The following PTPRD variants were observed in gnomAD, a reference collection of about 807,000 sequenced individuals.
PTPRD encodes protein tyrosine phosphatase receptor type D, also known as receptor-type tyrosine-protein phosphatase delta.
Under a neutral mutation model 214.5 loss-of-function variants are expected in PTPRD, and 34 were observed. The observed-to-expected ratio is 0.16, with a 90% CI of 0.12 to 0.21. PTPRD has a LOEUF of 0.21. Among genes scored for constraint, PTPRD ranks in the 10% least tolerant of loss-of-function variants. The probability of loss-of-function intolerance (pLI) is 1.00; values close to 1 mark genes in which losing one functional copy is unlikely to be tolerated. For missense variants in PTPRD, 2,545 were observed against 2,398.7 expected, an observed-to-expected ratio of 1.06 and a Z score of -1.27; for synonymous variants, 1,128 against 845.7, an observed-to-expected ratio of 1.33 and a Z score of -5.79.
chr9:8,857,062 T>G (rs977442070), intron 11 of PTPRD, among the ~76,000 whole-genome samples: 2 of 152,166 alleles, frequency 1.3e-5, no homozygotes, highest in Non-Finnish European at 2.9e-5. Context: ...TACACCAGAT[T>G]CCCGCAGCTG....
chr9:10,439,654 C>T (rs551611434), intron 2 of PTPRD, among the ~76,000 whole-genome samples: 1 of 151,314 alleles, frequency 6.6e-6, no homozygotes, highest in East Asian at 2.0e-4. Flanking sequence ...TAAAAAAGAA[C>T]AAAATAACAA....
At chr9:10,504,585 T>C (rs938634166) in intron 2 of PTPRD, among the ~76,000 whole-genome samples, 1 of 152,098 alleles carries the variant, frequency 6.6e-6, no homozygotes, top group Non-Finnish European at 1.5e-5. Context: ...ATAAATTTGT[T>C]TGGAACTTTG....
intron 11 of PTPRD, among the ~76,000 whole-genome samples, chr9:8,921,802 A>C (rs2098829833): frequency 6.6e-6 from 1 of 152,116 alleles, no homozygotes; most frequent in Admixed American, 6.6e-5. Flanking sequence ...CCTCCCAATA[A>C]ATTTTGATGT....
intron 8 of PTPRD, among the ~76,000 whole-genome samples, chr9:9,501,110 C>CA (rs1468438320): frequency 1.1e-4 from 16 of 150,534 alleles, no homozygotes; most frequent in Admixed American, 2.7e-4. Context: ...ATTAATGGGC[C>CA]AAAAAAACAA....
intron 8 of PTPRD, among the ~76,000 whole-genome samples, chr9:9,428,820 A>G (rs2082005307): frequency 6.6e-6 from 1 of 152,222 alleles, no homozygotes; most frequent in African/African-American, 2.4e-5. Flanking sequence ...ACATAAAGAA[A>G]TGAAGGCAGA....
chr9:9,320,478 C>T (rs1041992203), intron 9 of PTPRD, among the ~76,000 whole-genome samples: 6 of 152,212 alleles, frequency 3.9e-5, no homozygotes, highest in East Asian at 1.9e-4. Context: ...GGAGAGAAAA[C>T]TAAATATTGT....
chr9:8,765,672 C>T (rs961641446), intron 11 of PTPRD, among the ~76,000 whole-genome samples: 1 of 152,174 alleles, frequency 6.6e-6, no homozygotes, highest in Non-Finnish European at 1.5e-5. Flanking sequence ...ATATTCCTGA[C>T]TCACAGAAGC....
chr9:10,049,089 T>C (rs1345801347), intron 3 of PTPRD, among the ~76,000 whole-genome samples: 2 of 151,698 alleles, frequency 1.3e-5, no homozygotes, highest in Non-Finnish European at 2.9e-5. Context: ...ATAAAAGAAA[T>C]GAGAAAAGCA....
intron 39 of PTPRD, among the ~76,000 whole-genome samples, chr9:8,365,734 C>G (rs1254025056): frequency 6.6e-6 from 1 of 152,118 alleles, no homozygotes; most frequent in East Asian, 1.9e-4. Flanking sequence ...AGGAATGCAG[C>G]AAAAGCAATT....
chr9:10,301,815 G>C (rs762144587), intron 3 of PTPRD, among the ~76,000 whole-genome samples: 45 of 152,282 alleles, frequency 3.0e-4, no homozygotes, highest in South Asian at 1.7e-3. Context: ...TGAAAGTGAT[G>C]AGGAGAAAGT....
intron 2 of PTPRD, among the ~76,000 whole-genome samples, chr9:10,570,389 A>G (rs1468234470): frequency 6.6e-6 from 1 of 152,192 alleles, no homozygotes; most frequent in Non-Finnish European, 1.5e-5. Context: ...ACAAGATTAG[A>G]CATATCAGGA....
In PTPRD at chr9:9,917,510, A is replaced by T. The variant is rs2081285843; in HGVS notation, c.-368+20997T>A. Among the ~76,000 whole-genome samples, 6 of 151,194 alleles carry T rather than the reference A, an allele frequency of 4.0e-5. No individual in the cohort carries two copies. In the South Asian group the frequency reaches 1.2e-3, roughly 31 times the overall value. On this transcript the variant is annotated intron_variant, in intron 5 of 45. Transcript: ENST00000381196. ...TGTCTTTACCACTGAATTCTACCAT[A>T]TCTTTAGAGTTAACACCAATTCTTT...
intron 5 of PTPRD, among the ~76,000 whole-genome samples, chr9:9,842,670 G>A (rs1055166534): frequency 7.2e-6 from 1 of 138,016 alleles, no homozygotes; most frequent in African/African-American, 2.6e-5. Context: ...TAAAAAAGTT[G>A]TTTTTTTTTT....
chr9:9,641,882 G>C (rs1308701987), intron 7 of PTPRD, among the ~76,000 whole-genome samples: 1 of 151,992 alleles, frequency 6.6e-6, no homozygotes. Flanking sequence ...AGTTTACTGA[G>C]ACTCCAGAGG....
At chr9:8,354,014 A>G (rs969718421) in intron 39 of PTPRD, among the ~76,000 whole-genome samples, 12 of 142,630 alleles carry the variant, frequency 8.4e-5, no homozygotes, top group Admixed American at 2.8e-4. Flanking sequence ...GCTGGAGTGC[A>G]GTGGTGCGAT....
In PTPRD at chr9:10,607,038, C is replaced by A. The variant is rs112883614; in HGVS notation, c.-600+5360G>T. Among the ~76,000 whole-genome samples, 242 of 151,950 alleles carry A rather than the reference C, an allele frequency of 1.6e-3. 2 individuals carry two copies. Among genetic ancestry groups the A allele is most frequent in the African/African-American group, 5.6e-3 (234 of 41,518 alleles). On this transcript the variant is annotated intron_variant, in intron 2 of 45. Coordinates refer to ENST00000381196, the MANE Select transcript of PTPRD (RefSeq NM_002839.4). ...AGCATTATATATGCAATGATTCATA[C>A]AAGGCATCCCAGTAGAAAAGACACA...
At chr9:8,900,898 C>G (rs1308211274) in intron 11 of PTPRD, among the ~76,000 whole-genome samples, 1 of 152,252 alleles carries the variant, frequency 6.6e-6, no homozygotes, top group Admixed American at 6.5e-5. Context: ...CCAAAACTGA[C>G]AGCTTTATAG....
chr9:9,731,554 C>T (rs980297957), intron 7 of PTPRD, among the ~76,000 whole-genome samples: 6 of 152,018 alleles, frequency 3.9e-5, no homozygotes, highest in Non-Finnish European at 8.8e-5. Context: ...TGGTATGCTG[C>T]ACCCATTAAC....
intron 4 of PTPRD, among the ~76,000 whole-genome samples, chr9:10,012,076 T>C (rs192613223): frequency 4.6e-5 from 7 of 152,108 alleles, no homozygotes. Flanking sequence ...TTGTGAAAAG[T>C]ACTAACATAT....
Sources: gnomAD v4.1 joint callset for allele counts (sites outside exome capture counted in the v4.1 genomes callset) on GRCh38, gnomAD v4.1.1 for gene constraint, MANE v1.5 for transcripts, NCBI Gene and HGNC (gene_info 2026-07-23, HGNC 2026-07-21) for gene names.